CCDC91: variants seen among roughly 807,000 people sequenced by gnomAD.
The protein encoded by CCDC91 is coiled-coil domain-containing protein 91.
CCDC91 carries 48 observed loss-of-function variants against 63.2 expected under a neutral mutation model. The observed-to-expected ratio is 0.76, with a 90% confidence interval of 0.60 to 0.97. CCDC91 has a LOEUF of 0.97. Among genes scored for constraint, CCDC91 ranks in the 50% least tolerant of loss-of-function variants. The pLI, the probability that CCDC91 is intolerant of heterozygous loss-of-function variation, is 0.00. For synonymous variants in CCDC91, 167 were observed against 165.8 expected (o/e 1.01, Z -0.06); for missense variants, 500 against 494.6 (o/e 1.01, Z -0.10).
At chr12:28,440,677 A>G (rs566205127) in intron 8 of CCDC91, among the ~76,000 whole-genome samples, 64 of 152,340 alleles carry the variant, frequency 4.2e-4, no homozygotes, top group Middle Eastern at 3.4e-3. Context: ...TTCATGAAAC[A>G]TATATCTGAC....
At chr12:28,273,760 A>G (rs1592168290) in intron 3 of CCDC91, among the ~76,000 whole-genome samples, 1 of 152,180 alleles carries the variant, frequency 6.6e-6, no homozygotes, top group African/African-American at 2.4e-5. Flanking sequence ...AGACGAGTAG[A>G]TTGCAAAAAT....
intron 12 of CCDC91, among the ~76,000 whole-genome samples, chr12:28,516,372 G>A (rs183531304): frequency 6.6e-6 from 1 of 152,038 alleles, no homozygotes; most frequent in African/African-American, 2.4e-5. Flanking sequence ...GGAGGCTGAG[G>A]TGGGCAGATT....
chr12:28,504,564 TA>T (rs1290985611), intron 12 of CCDC91, among the ~76,000 whole-genome samples: 1 of 151,906 alleles, frequency 6.6e-6, no homozygotes, highest in Non-Finnish European at 1.5e-5. Flanking sequence ...GAATCTGATA[TA>T]TATTGCTGTG....
In CCDC91 at chr12:28,429,611, C is replaced by T. The variant is rs370159873; in HGVS notation, c.763-20550C>T. Among the ~76,000 whole-genome samples the T allele has an allele frequency of 2.6e-5, 4 of 151,996 alleles. No individual in the cohort carries two copies. In the East Asian group the frequency reaches 7.7e-4, roughly 29 times the overall value. Reference sequence around the variant, plus strand: ...AGGGAAGAATTCACAAAAGAATTGACATTTAAAAGGGCCTTGAAAGACTGG... The same window carrying T: ...AGGGAAGAATTCACAAAAGAATTGATATTTAAAAGGGCCTTGAAAGACTGG... On this transcript the variant is annotated intron_variant, in intron 8 of 12. Transcript: ENST00000536442.
intron 11 of CCDC91, among the ~76,000 whole-genome samples, chr12:28,460,420 A>G (rs951934552): frequency 5.3e-5 from 8 of 152,266 alleles, no homozygotes; most frequent in African/African-American, 1.9e-4. Flanking sequence ...TAAGGAGTAA[A>G]GAGGGTTAGA....
intron 8 of CCDC91, among the ~76,000 whole-genome samples, chr12:28,395,815 A>G (rs1946254789): frequency 6.6e-6 from 1 of 152,168 alleles, no homozygotes. Context: ...TCCTAAATGA[A>G]GGAGTTCAGA....
intron 6 of CCDC91, among the ~76,000 whole-genome samples, chr12:28,353,816 G>C (rs1241611768): frequency 6.6e-6 from 1 of 152,114 alleles, no homozygotes; most frequent in Non-Finnish European, 1.5e-5. Context: ...ATTTGACACA[G>C]AGACACAGAG....
intron 1 of CCDC91, among the ~76,000 whole-genome samples, chr12:28,227,317 G>C (rs1944332326): frequency 1.3e-5 from 2 of 152,078 alleles, no homozygotes; most frequent in South Asian, 4.2e-4. Flanking sequence ...GATTTTTTTG[G>C]AATTCTTCTG....
At chr12:28,373,694 A>G (rs139678835) in intron 7 of CCDC91, among the ~76,000 whole-genome samples, 34 of 152,190 alleles carry the variant, frequency 2.2e-4, no homozygotes, top group African/African-American at 7.9e-4. Context: ...TTGCTTTGCC[A>G]GTTTACCTTG....
intron 1 of CCDC91, among the ~76,000 whole-genome samples, chr12:28,234,620 T>C (rs1944816399): frequency 6.6e-6 from 1 of 152,236 alleles, no homozygotes; most frequent in Non-Finnish European, 1.5e-5. Context: ...TCTTGTCTTA[T>C]TAACCACTAC....
intron 1 of CCDC91, among the ~76,000 whole-genome samples, chr12:28,215,457 G>T (rs1313863739): frequency 6.6e-6 from 1 of 151,994 alleles, no homozygotes; most frequent in African/African-American, 2.4e-5. Context: ...TCCTCTTCCA[G>T]TATAACCAAC....
At chr12:28,294,449 G>A (rs946385302) in intron 3 of CCDC91, among the ~76,000 whole-genome samples, 6 of 152,038 alleles carry the variant, frequency 3.9e-5, no homozygotes, top group African/African-American at 9.7e-5. Flanking sequence ...TGAAAGTGTC[G>A]CCCTTCCCCT....
At chr12:28,296,247 A>G (rs2136908671) in intron 3 of CCDC91, among the ~76,000 whole-genome samples, 1 of 151,848 alleles carries the variant, frequency 6.6e-6, no homozygotes, top group South Asian at 2.1e-4. Context: ...AAAGATTACG[A>G]GGCCTCTTCC....
At chr12:28,422,860 G>A (rs11049589) in intron 8 of CCDC91, among the ~76,000 whole-genome samples, 4 of 152,170 alleles carry the variant, frequency 2.6e-5, no homozygotes, top group East Asian at 1.9e-4. Flanking sequence ...CTACTCATTG[G>A]TTGGGAAAAA....
chr12:28,443,870 G>T (rs1949362166), intron 8 of CCDC91, among the ~76,000 whole-genome samples: 1 of 152,274 alleles, frequency 6.6e-6, no homozygotes, highest in South Asian at 2.1e-4. Flanking sequence ...AGGTCCAATA[G>T]TTATAAAAAT....
intron 1 of CCDC91, among the ~76,000 whole-genome samples, chr12:28,218,248 C>T (rs1592015018): frequency 6.6e-6 from 1 of 152,010 alleles, no homozygotes; most frequent in Non-Finnish European, 1.5e-5. Context: ...AATGCGCATT[C>T]GACTGTTGGT....
At chr12:28,284,168 AAGG>A in intron 3 of CCDC91, among the ~76,000 whole-genome samples, 1 of 152,078 alleles carries the variant, frequency 6.6e-6, no homozygotes, top group South Asian at 2.1e-4. Context: ...TATTGGAAAA[AAGG>A]AGTTTTCTAG....
chr12:28,289,155 AT>A lies in CCDC91; in HGVS notation c.110-16482del, dbSNP rs545405666. ...ACTGTTGGATTCGTTGATCTTTTGA[AT>A]TTTTTTTTTTTGTCCCAGTCTCCTT... On this transcript the variant is annotated intron_variant, in intron 3 of 12. Transcript: ENST00000536442. 6.9e-3 allele frequency among the ~76,000 whole-genome samples: 995 copies of A among 143,520 alleles called. 8 individuals carry two copies. The highest frequency in any genetic ancestry group is 0.022 in the African/African-American group (862 of 39,326). 94.2% of individuals were successfully genotyped at this position (143,520 alleles called of 152,430 possible). A position where few individuals can be genotyped will look rare whatever the true frequency, so the allele number is the denominator to read the frequency against.
At chr12:28,335,144 ATATT>A (rs1439689112) in intron 6 of CCDC91, among the ~76,000 whole-genome samples, 1 of 142,608 alleles carries the variant, frequency 7.0e-6, no homozygotes, top group East Asian at 2.0e-4. Flanking sequence ...TATATTATAT[ATATT>A]TATAACATAT....
Sources: allele counts gnomAD v4.1 joint callset (sites outside exome capture counted in the v4.1 genomes callset), GRCh38; gene constraint gnomAD v4.1.1; transcripts MANE v1.5; gene names NCBI Gene and HGNC (gene_info 2026-07-23, HGNC 2026-07-21).